The following CDH13 variants were observed in gnomAD, a reference collection of about 807,000 sequenced individuals.
CDH13 encodes cadherin-13.
Under a neutral mutation model 63.8 loss-of-function variants are expected in CDH13, and 24 were observed. The ratio of observed to expected loss-of-function variants is 0.38; its 90% CI spans 0.27 to 0.53. The LOEUF (loss-of-function observed/expected upper bound fraction) is 0.53. Ranked by LOEUF, CDH13 falls within the 20% of genes least tolerant of loss-of-function variation. The pLI is 0.85. For missense variants in CDH13, 1,049 were observed against 903.1 expected (o/e 1.16, Z -2.07); for synonymous variants, 503 against 355.3 (o/e 1.42, Z -4.67).
chr16:83,461,867 T>G (rs77319810), intron 6 of CDH13, among the ~76,000 whole-genome samples: 1,695 of 152,254 alleles, frequency 0.011, 20 homozygotes, highest in African/African-American at 0.038. Context: ...GTACCCAAGA[T>G]CTCACCAAAG....
At chr16:83,391,362 C>T (rs1435329341) in intron 6 of CDH13, among the ~76,000 whole-genome samples, 3 of 152,132 alleles carry the variant, frequency 2.0e-5, no homozygotes, top group South Asian at 4.2e-4. Flanking sequence ...CCTACCACCA[C>T]ACCCAGCTAA....
chr16:83,100,791 C>G (rs531292862), intron 3 of CDH13, among the ~76,000 whole-genome samples: 1 of 152,210 alleles, frequency 6.6e-6, no homozygotes, highest in African/African-American at 2.4e-5. Flanking sequence ...ACACTTGCAG[C>G]ACCCATGGGT....
chr16:83,362,453 G>A (rs1423891483), intron 6 of CDH13, among the ~76,000 whole-genome samples: 1 of 152,194 alleles, frequency 6.6e-6, no homozygotes, highest in African/African-American at 2.4e-5. Context: ...TAGGCAATTA[G>A]GTGCCACAAC....
intron 10 of CDH13, among the ~76,000 whole-genome samples, chr16:83,747,659 G>T (rs1404796773): frequency 6.6e-6 from 1 of 150,850 alleles, no homozygotes; most frequent in Non-Finnish European, 1.5e-5. Flanking sequence ...TCTGTGAGGT[G>T]CCCAATATTG....
At chr16:82,878,639 A>G (rs2040585818) in intron 2 of CDH13, among the ~76,000 whole-genome samples, 1 of 151,092 alleles carries the variant, frequency 6.6e-6, no homozygotes, top group South Asian at 2.1e-4. Context: ...GAGACTGGGT[A>G]GATTCGAGTG....
At chr16:82,856,802 T>C (rs1346683064) in intron 1 of CDH13, among the ~76,000 whole-genome samples, 1 of 146,304 alleles carries the variant, frequency 6.8e-6, no homozygotes, top group East Asian at 2.0e-4. Context: ...AGGCAGGTAA[T>C]GAATGTGAGT....
intron 5 of CDH13, among the ~76,000 whole-genome samples, chr16:83,301,025 G>GTTTTTTTTTTTTTTTTTTTTTTTTTT (rs3052591): frequency 2.5e-5 from 2 of 78,756 alleles, no homozygotes; most frequent in East Asian, 4.6e-4. Context: ...ACTTTCTGGG[G>GTTTTTTTTTTTTTTTTTTTTTTTTTT]TTTTTTTTTT....
At chr16:83,461,774 G>T (rs945874171) in intron 6 of CDH13, among the ~76,000 whole-genome samples, 17 of 152,234 alleles carry the variant, frequency 1.1e-4, no homozygotes, top group Non-Finnish European at 2.4e-4. Flanking sequence ...AGATCAGCTT[G>T]TAAGTTTGTA....
At chr16:82,667,424 G>A (rs914210374) in intron 1 of CDH13, among the ~76,000 whole-genome samples, 10 of 152,224 alleles carry the variant, frequency 6.6e-5, no homozygotes, top group African/African-American at 2.2e-4. Context: ...CCAGGATGTG[G>A]TGTGGGGAGA....
intron 2 of CDH13, among the ~76,000 whole-genome samples, chr16:83,002,542 A>T (rs1913049050): frequency 6.6e-6 from 1 of 152,240 alleles, no homozygotes; most frequent in Non-Finnish European, 1.5e-5. Context: ...CAATAGGCTA[A>T]ACAGACAAAA....
At chr16:83,058,778 G>A (rs946596807) in intron 3 of CDH13, among the ~76,000 whole-genome samples, 2 of 152,156 alleles carry the variant, frequency 1.3e-5, no homozygotes, top group Admixed American at 1.3e-4. Context: ...AAAAACAAAC[G>A]TGCAGTCTGA....
At chr16:83,305,400 C>G (rs1208113420) in intron 5 of CDH13, among the ~76,000 whole-genome samples, 1 of 152,216 alleles carries the variant, frequency 6.6e-6, no homozygotes, top group Non-Finnish European at 1.5e-5. Context: ...TGTGCAATGT[C>G]TCTTTGCTGG....
At chr16:83,769,593 T>C (rs1243678355) in intron 11 of CDH13, among the ~76,000 whole-genome samples, 1 of 152,224 alleles carries the variant, frequency 6.6e-6, no homozygotes, top group Non-Finnish European at 1.5e-5. Context: ...GCCTGGTGTC[T>C]TATCTACCAA....
intron 1 of CDH13, among the ~76,000 whole-genome samples, chr16:82,841,753 A>T (rs138310527): frequency 1.3e-5 from 2 of 152,216 alleles, no homozygotes; most frequent in East Asian, 1.9e-4. Context: ...TATGTTCATG[A>T]AGGTCCTACA....
At chr16:83,042,566 A>G (rs1355441699) in intron 3 of CDH13, among the ~76,000 whole-genome samples, 1 of 152,222 alleles carries the variant, frequency 6.6e-6, no homozygotes, top group Non-Finnish European at 1.5e-5. Context: ...AATAAAGTGC[A>G]TGATAAATGT....
intron 8 of CDH13, among the ~76,000 whole-genome samples, chr16:83,644,882 A>G (rs1911645447): frequency 6.6e-6 from 1 of 152,258 alleles, no homozygotes; most frequent in African/African-American, 2.4e-5. Flanking sequence ...AGGAGCAGAT[A>G]TGAAGTATGC....
At chr16:82,782,935 C>G (rs1016129940) in intron 1 of CDH13, among the ~76,000 whole-genome samples, 2 of 152,164 alleles carry the variant, frequency 1.3e-5, no homozygotes, top group African/African-American at 4.8e-5. Context: ...CTAGGGGCAA[C>G]TCTACTTCCC....
chr16:82,854,868 T>C (rs2039626957), intron 1 of CDH13, among the ~76,000 whole-genome samples: 1 of 152,184 alleles, frequency 6.6e-6, no homozygotes, highest in Non-Finnish European at 1.5e-5. Flanking sequence ...ATAATTATAT[T>C]TAACAATTAT....
chr16:83,044,205 T>G (rs912033767), intron 3 of CDH13, among the ~76,000 whole-genome samples: 3 of 152,196 alleles, frequency 2.0e-5, no homozygotes, highest in Non-Finnish European at 2.9e-5. Flanking sequence ...TTAAGTAACT[T>G]AACCAGTGCC....
Sources: gnomAD v4.1 joint callset for allele counts (sites outside exome capture counted in the v4.1 genomes callset) on GRCh38, gnomAD v4.1.1 for gene constraint, MANE v1.5 for transcripts, NCBI Gene and HGNC (gene_info 2026-07-23, HGNC 2026-07-21) for gene names.